The following ITPR2 variants were observed in gnomAD, a reference collection of about 807,000 sequenced individuals.
ITPR2 encodes the protein inositol 1,4,5-trisphosphate receptor type 2.
ITPR2 carries 207 observed loss-of-function variants against 317.1 expected under a neutral mutation model. That is an observed-to-expected ratio of 0.65 (90% CI 0.58 to 0.73). The LOEUF is 0.73. ITPR2 is among the 30% of genes least tolerant of loss of function. The pLI is 0.00. For missense variants in ITPR2, 2,613 were observed against 3,284.0 expected (o/e 0.80, Z 4.99); for synonymous variants, 1,156 against 1,149.1 (o/e 1.01, Z -0.12).
At chr12:26,398,060 GT>G (rs1940057014) in intron 54 of ITPR2, among the ~76,000 whole-genome samples, 3 of 76,144 alleles carry the variant, frequency 3.9e-5, no homozygotes, top group South Asian at 1.4e-3. Flanking sequence ...GGGGAGTGGT[GT>G]GTGTGTGTGT....
intron 5 of ITPR2, chr12:26,721,307 AATTT>A: frequency 1.6e-6 from 1 of 617,276 alleles, no homozygotes. Flanking sequence ...ATCACCAGAT[AATTT>A]ATTAACCAAA....
chr12:26,465,051 T>C (rs535121211), intron 45 of ITPR2, among the ~76,000 whole-genome samples: 30 of 152,346 alleles, frequency 2.0e-4, no homozygotes, highest in African/African-American at 7.0e-4. Flanking sequence ...GAATTTATCA[T>C]GGTACAGCTG....
At position 26,655,849 on chromosome 12, in the gene ITPR2, A is replaced by G. The variant is rs183943449; in HGVS notation, c.2448T>C (p.Tyr816=). 2.5e-4 allele frequency: 406 copies of G among 1,605,796 alleles called. No individual in the cohort carries two copies. In the East Asian group the frequency reaches 4.2e-3, roughly 17 times the overall value. ...TTCTGGAAGAGTCTGTTATAGAATC[A>G]TATCTGGAAATAGAGAAAGAAGATA... ...EIPTKITIHE[Y]DSITDSSRND... Residue 816 remains tyrosine (Y), a synonymous_variant, in exon 20 of 57, where the codon TAT becomes TAC. Transcript: ENST00000381340.
chr12:26,347,660 GA>G (rs1938350743), intron 55 of ITPR2, among the ~76,000 whole-genome samples: 1 of 152,172 alleles, frequency 6.6e-6, no homozygotes, highest in Non-Finnish European at 1.5e-5. Flanking sequence ...CTTAGCTTCT[GA>G]ACTTGCTAAG....
At chr12:26,688,261 G>C (rs11048650) in intron 10 of ITPR2, among the ~76,000 whole-genome samples, 12,778 of 151,984 alleles carry the variant, frequency 0.084, 600 homozygotes, top group Middle Eastern at 0.15. Flanking sequence ...GGCTGGTCTC[G>C]AACTCTTGAG....
At chr12:26,778,541 T>A (rs549348907) in intron 2 of ITPR2, among the ~76,000 whole-genome samples, 8 of 152,364 alleles carry the variant, frequency 5.3e-5, no homozygotes, top group Non-Finnish European at 1.2e-4. Flanking sequence ...TTCCTGTCCA[T>A]AAGGCCCACC....
intron 45 of ITPR2, among the ~76,000 whole-genome samples, chr12:26,448,788 T>C (rs977886610): frequency 1.3e-5 from 2 of 152,172 alleles, no homozygotes; most frequent in Non-Finnish European, 2.9e-5. Flanking sequence ...ACTTGTAATT[T>C]AAATACAGAT....
chr12:26,456,521 G>A (rs923665772), intron 45 of ITPR2, among the ~76,000 whole-genome samples: 3 of 152,040 alleles, frequency 2.0e-5, no homozygotes, highest in African/African-American at 7.3e-5. Flanking sequence ...AGCTGCCCTC[G>A]GTGCTGCTCT....
intron 37 of ITPR2, among the ~76,000 whole-genome samples, chr12:26,496,869 AG>A (rs1448125593): frequency 6.6e-6 from 1 of 150,786 alleles, no homozygotes; most frequent in Admixed American, 6.6e-5. Flanking sequence ...GCGTGAACCC[AG>A]GAAGCGGAGC....
In ITPR2 at chr12:26,602,630, C is replaced by A. The variant is rs35862420; in HGVS notation, c.3539G>T (p.Arg1180Leu). ...QIDSNKSNNY[R>L]IVKEILIRLS... is the part of the protein sequence containing the mutation. ...GTATCTGCCGACCTCCTTTACAATC[C>A]GGTAGTTATTGCTCTTGTTGCTGTC... is the stretch of plus-strand genomic sequence containing the variant. Residue 1180 changes from arginine (R) to leucine (L), a missense_variant, in exon 27 of 57, where the codon CGG (arginine) becomes CTG (leucine). Arg to Leu is a moderately radical substitution (Grantham distance 102, BLOSUM62 -2). Around this residue, in one of 9 missense-constraint regions of ITPR2, gnomAD observed 817 missense variants for 897.6 expected, o/e 0.91. Coordinates refer to ENST00000381340, the MANE Select transcript of ITPR2 (RefSeq NM_002223.4). 1 of 1,608,836 alleles carries A rather than the reference C, an allele frequency of 6.2e-7. No individual in the cohort carries two copies. The highest frequency in any genetic ancestry group is 8.5e-7 in the Non-Finnish European group (1 of 1,176,034).
rs1305436442 is a variant in ITPR2, at chr12:26,725,678, G to A, written c.251C>T (p.Thr84Ile). Residue 84 changes from threonine to isoleucine, a missense_variant, in exon 3 of 57, where the codon ACC becomes ATC. Physicochemically the swap from Thr to Ile is moderately conservative, Grantham distance 89. Around this residue, in one of 9 missense-constraint regions of ITPR2, gnomAD observed 515 missense variants for 789.4 expected, o/e 0.65. Transcript: ENST00000381340. Reference protein sequence around the residue: ...KAKQAKQGNHTEAALLKKLQH... With the variant: ...KAKQAKQGNHIEAALLKKLQH... Reference sequence around the variant, plus strand: ...TAGTTTCTTCAGCAAGGCTGCCTCGGTGTGGTTCCCTTGTTTGGCTTGCTT... The same window carrying A: ...TAGTTTCTTCAGCAAGGCTGCCTCGATGTGGTTCCCTTGTTTGGCTTGCTT... 2 of 1,613,090 alleles carry A rather than the reference G, an allele frequency of 1.2e-6. No homozygotes were observed. Among genetic ancestry groups the A allele is most frequent in the Non-Finnish European group, 1.7e-6 (2 of 1,179,420 alleles).
intron 34 of ITPR2, among the ~76,000 whole-genome samples, chr12:26,568,606 C>T (rs1945073102): frequency 6.6e-6 from 1 of 152,032 alleles, no homozygotes; most frequent in Non-Finnish European, 1.5e-5. Flanking sequence ...ACCAAAATCT[C>T]TGAGAATACA....
chr12:26,778,627 C>T (rs1950022149), intron 2 of ITPR2, among the ~76,000 whole-genome samples: 1 of 152,202 alleles, frequency 6.6e-6, no homozygotes, highest in African/African-American at 2.4e-5. Flanking sequence ...ATCAACTCTC[C>T]ACTTTGTTCC....
intron 2 of ITPR2, among the ~76,000 whole-genome samples, chr12:26,736,992 T>C (rs1247197024): frequency 6.6e-6 from 1 of 152,220 alleles, no homozygotes; most frequent in Non-Finnish European, 1.5e-5. Context: ...TAATCCCACT[T>C]TGTGTAGCTA....
At chr12:26,469,216 T>A (rs1942243686) in intron 45 of ITPR2, among the ~76,000 whole-genome samples, 1 of 152,236 alleles carries the variant, frequency 6.6e-6, no homozygotes, top group African/African-American at 2.4e-5. Context: ...TCTTAGAAAC[T>A]AGCACAATGC....
chr12:26,702,416 T>TGG (rs1948462583), intron 9 of ITPR2, among the ~76,000 whole-genome samples: 1 of 109,352 alleles, frequency 9.1e-6, no homozygotes. Context: ...GGTGGGGGGT[T>TGG]GGTGTTTTTT....
chr12:26,701,146 T>C lies in ITPR2; in HGVS notation c.952-5496A>G, dbSNP rs117317422. Reference sequence around the variant, plus strand: ...AGAAGTCAGGTATGGTGCAAAATGATAGAGAGAGAGAAACATCATAAATAC... The same window carrying C: ...AGAAGTCAGGTATGGTGCAAAATGACAGAGAGAGAGAAACATCATAAATAC... On this transcript the variant is annotated intron_variant, in intron 9 of 56. Transcript: ENST00000381340. Among the ~76,000 whole-genome samples the C allele has an allele frequency of 5.5e-3, 841 of 152,112 alleles. 5 individuals carry two copies. The highest frequency in any genetic ancestry group is 8.5e-3 in the Non-Finnish European group (579 of 67,998).
chr12:26,590,301 G>A (rs1337330442), intron 32 of ITPR2, among the ~76,000 whole-genome samples: 1 of 152,202 alleles, frequency 6.6e-6, no homozygotes, highest in Non-Finnish European at 1.5e-5. Context: ...CAAGAATAGT[G>A]AGGAGGTGTT....
chr12:26,444,442 T>C (rs1343883357), intron 45 of ITPR2, among the ~76,000 whole-genome samples: 3 of 152,078 alleles, frequency 2.0e-5, no homozygotes, highest in Non-Finnish European at 4.4e-5. Context: ...TAACAGAGAC[T>C]CTACCACAGA....
Sources: allele counts gnomAD v4.1 joint callset (sites outside exome capture counted in the v4.1 genomes callset), GRCh38; gene constraint gnomAD v4.1.1; regional missense constraint gnomAD v4.1.1; transcripts MANE v1.5; gene names NCBI Gene and HGNC (gene_info 2026-07-23, HGNC 2026-07-21).